CEP85L: variants seen among roughly 807,000 people sequenced by gnomAD.
CEP85L encodes centrosomal protein of 85 kDa-like.
Under a neutral mutation model 100.3 loss-of-function variants are expected in CEP85L, and 60 were observed. The ratio of observed to expected loss-of-function variants is 0.60; its 90% CI spans 0.49 to 0.74. The LOEUF is 0.74. Ranked by LOEUF, CEP85L falls within the 30% of genes least tolerant of loss-of-function variation. The probability of loss-of-function intolerance (pLI) is 0.00; values close to 1 mark genes in which losing one functional copy is unlikely to be tolerated. For synonymous variants in CEP85L, 319 were observed against 322.7 expected, an observed-to-expected ratio of 0.99 and a Z score of 0.12; for missense variants, 973 against 936.2, an observed-to-expected ratio of 1.04 and a Z score of -0.51.
intron 4 of CEP85L, among the ~76,000 whole-genome samples, chr6:118,522,893 G>C (rs546191901): frequency 2.0e-4 from 31 of 152,038 alleles, no homozygotes; most frequent in African/African-American, 6.8e-4. Context: ...AAAAAAATTG[G>C]GGGAATATAG....
Position 118,469,173 on chromosome 6 carries a change from TCCTTGAACAGCTGATCAATCA to T in CEP85L, c.2132_2152del (p.Val711_Lys717del). ...CAAGTCAAACAAACAACAGGACATTTCCTTGAACAGCTGATCAATCACAGTCAAATCAAATAGTGGCCGTTT... is the reference window on the plus strand; with the variant it reads ...CAAGTCAAACAAACAACAGGACATTTCAGTCAAATCAAATAGTGGCCGTTT... On this transcript the variant is annotated inframe_deletion, in exon 12 of 13. Coordinates refer to ENST00000368491, the MANE Select transcript of CEP85L (RefSeq NM_001042475.3). 3.1e-6 allele frequency: 5 copies of T among 1,614,072 alleles called. No homozygotes were observed. Among genetic ancestry groups the T allele is most frequent in the Non-Finnish European group, 4.2e-6 (5 of 1,179,938 alleles).
At chr6:118,568,918 AATC>A (rs1196448860) in intron 2 of CEP85L, among the ~76,000 whole-genome samples, 3 of 152,274 alleles carry the variant, frequency 2.0e-5, no homozygotes, top group African/African-American at 4.8e-5. Context: ...GTTATACTAA[AATC>A]ATCATAGCCT....
In CEP85L at chr6:118,461,646, A is replaced by G. The variant is rs966369211; in HGVS notation, c.*3759T>C. Reference sequence around the variant, plus strand: ...AAATCCAAAATCTTTCCCATACATGATTAAATATATGATATAATCATATGG... The same window carrying G: ...AAATCCAAAATCTTTCCCATACATGGTTAAATATATGATATAATCATATGG... On this transcript the variant is annotated 3_prime_UTR_variant, in exon 13 of 13. Coordinates refer to ENST00000368491, the MANE Select transcript of CEP85L (RefSeq NM_001042475.3). 8.5e-5 allele frequency: 13 copies of G among 152,054 alleles called. No homozygotes were observed. The highest frequency in any genetic ancestry group is 1.5e-4 in the Non-Finnish European group (10 of 67,926). The allele number at this position is 152,054 out of a possible 1,614,324, so 9.4% of individuals were successfully genotyped here. A position where few individuals can be genotyped will look rare whatever the true frequency, so the allele number is the denominator to read the frequency against.
At chr6:118,601,515 T>C (rs1583145867) in intron 2 of CEP85L, among the ~76,000 whole-genome samples, 3 of 152,364 alleles carry the variant, frequency 2.0e-5, no homozygotes, top group Admixed American at 2.0e-4. Flanking sequence ...ATGAAATATT[T>C]GAAATGATAT....
At chr6:118,626,912 G>A (rs1002775097) in intron 2 of CEP85L, among the ~76,000 whole-genome samples, 3 of 152,144 alleles carry the variant, frequency 2.0e-5, no homozygotes, top group Admixed American at 1.3e-4. Context: ...CAGTAAAGAA[G>A]AAAACTTCTG....
intron 3 of CEP85L, among the ~76,000 whole-genome samples, chr6:118,534,268 A>G (rs1729315311): frequency 2.0e-5 from 3 of 152,194 alleles, no homozygotes; most frequent in Admixed American, 2.0e-4. Flanking sequence ...TTAAAAATGT[A>G]TTATCATTTA....
intron 2 of CEP85L, among the ~76,000 whole-genome samples, chr6:118,613,408 T>C (rs1178859468): frequency 1.3e-5 from 2 of 152,190 alleles, no homozygotes. Context: ...TGAATTACTT[T>C]ATAACTATTA....
At chr6:118,646,229 A>C (rs1235105507) in intron 1 of CEP85L, among the ~76,000 whole-genome samples, 1 of 152,222 alleles carries the variant, frequency 6.6e-6, no homozygotes, top group Admixed American at 6.5e-5. Flanking sequence ...AAAAAAGAAA[A>C]GAAAAGTAAT....
chr6:118,470,252 A>G (rs575225636), intron 11 of CEP85L, among the ~76,000 whole-genome samples: 2 of 152,132 alleles, frequency 1.3e-5, no homozygotes, highest in Non-Finnish European at 2.9e-5. Flanking sequence ...TTTCAGAATA[A>G]CTCAATAGCC....
intron 1 of CEP85L, among the ~76,000 whole-genome samples, chr6:118,691,260 T>C (rs794857): frequency 0.68 from 102,602 of 151,754 alleles, 35,554 homozygotes; most frequent in Non-Finnish European, 0.75. Flanking sequence ...AGGCCAGGCA[T>C]GGTAGCTCAC....
chr6:118,692,738 GC>G, intron 1 of CEP85L, among the ~76,000 whole-genome samples: 7 of 62,848 alleles, frequency 1.1e-4, no homozygotes, highest in Non-Finnish European at 1.2e-4. Flanking sequence ...ATGGCAGTGA[GC>G]TAGTTAAGGG....
At position 118,462,601 on chromosome 6, in the gene CEP85L, A is replaced by G. The variant is rs1302360830; in HGVS notation, c.*2804T>C. On this transcript the variant is annotated 3_prime_UTR_variant, in exon 13 of 13. Coordinates refer to ENST00000368491, the MANE Select transcript of CEP85L (RefSeq NM_001042475.3). The stretch of plus-strand genomic sequence containing the variant: ...AAAAGCACAATTAAAACGAGGTTTC[A>G]TTATCTAAGTAAATTTTCAAATAGA... 6.6e-6 allele frequency: 1 copy of G among 152,018 alleles called. No individual in the cohort carries two copies. Among genetic ancestry groups the G allele is most frequent in the East Asian group, 1.9e-4 (1 of 5,198 alleles). 9.4% of individuals were successfully genotyped at this position (152,018 alleles called of 1,614,324 possible).
chr6:118,465,678 G>C, intron 12 of CEP85L, 110 bp from the exon 13 acceptor site: 1 of 915,902 alleles, frequency 1.1e-6, no homozygotes, highest in South Asian at 1.7e-5. Context: ...CTGAATACCA[G>C]TGAGGCTCAG....
Position 118,483,810 on chromosome 6 carries a change from T to C in CEP85L, c.1486A>G (p.Lys496Glu). Residue 496 changes from lysine to glutamate, a missense_variant, in exon 7 of 13, where the codon AAG (lysine) becomes GAG (glutamate). By Grantham distance (56) the Lys-to-Glu change is moderately conservative. Around this residue, in one of 3 missense-constraint regions of CEP85L, gnomAD observed 890 missense variants for 844.5 expected, o/e 1.05. Coordinates refer to ENST00000368491, the MANE Select transcript of CEP85L (RefSeq NM_001042475.3). ...TTTTCTTTGTTTTGTTCAGATTCCT[T>C]CTGGCATTTCTTTTTCAGACTACTG... ...YISSLKKKCQ[K>E]ESEQNKEKQR... is the part of the protein sequence containing the mutation. The C allele has an allele frequency of 6.2e-7, 1 of 1,613,880 alleles. No individual in the cohort carries two copies. Among genetic ancestry groups the C allele is most frequent in the South Asian group, 1.1e-5 (1 of 91,066 alleles).
intron 3 of CEP85L, among the ~76,000 whole-genome samples, chr6:118,553,172 C>T (rs1000520331): frequency 1.3e-5 from 2 of 148,918 alleles, no homozygotes; most frequent in African/African-American, 5.0e-5. Context: ...GTATGCTTTC[C>T]ATCGAAAAAG....
At chr6:118,525,770 C>T (rs1046903965) in intron 3 of CEP85L, among the ~76,000 whole-genome samples, 5 of 152,166 alleles carry the variant, frequency 3.3e-5, no homozygotes, top group African/African-American at 1.2e-4. Context: ...TCTGTTATAT[C>T]ATCTCTAGGA....
chr6:118,579,669 A>C (rs1206704362), intron 2 of CEP85L, among the ~76,000 whole-genome samples: 1 of 152,250 alleles, frequency 6.6e-6, no homozygotes, highest in African/African-American at 2.4e-5. Flanking sequence ...TCCTTAATCT[A>C]CCTGCACTGT....
At chr6:118,577,602 A>G (rs956521388) in intron 2 of CEP85L, among the ~76,000 whole-genome samples, 1 of 152,174 alleles carries the variant, frequency 6.6e-6, no homozygotes, top group African/African-American at 2.4e-5. Context: ...TTATACTAGG[A>G]ATGCCATTAA....
chr6:118,569,450 TA>T lies in CEP85L; in HGVS notation c.233-3135del. Among the ~76,000 whole-genome samples the T allele has an allele frequency of 1.3e-5, 2 of 149,488 alleles. 1 individual carries two copies. On this transcript the variant is annotated intron_variant, in intron 2 of 12. Transcript: ENST00000368491. ...CGTTGTGCATATGTACCCTAGAACT[TA>T]AAGTATAATAAAAATATATATTCAA...
Sources: gnomAD v4.1 joint callset for allele counts (sites outside exome capture counted in the v4.1 genomes callset) on GRCh38, gnomAD v4.1.1 for gene constraint, gnomAD v4.1.1 regional missense constraint, MANE v1.5 for transcripts, NCBI Gene and HGNC (gene_info 2026-07-23, HGNC 2026-07-21) for gene names.